Variants in SH3RF2 observed in about 807,000 individuals in gnomAD.
SH3RF2 encodes the protein E3 ubiquitin-protein ligase SH3RF2.
Under a neutral mutation model 59.0 loss-of-function variants are expected in SH3RF2, and 43 were observed. That is an observed-to-expected ratio of 0.73 (90% CI 0.57 to 0.94). SH3RF2 has a LOEUF of 0.94. Ranked by LOEUF, SH3RF2 falls within the 40% of genes least tolerant of loss-of-function variation. The pLI is 0.00. For synonymous variants in SH3RF2, 391 were observed against 391.5 expected, an observed-to-expected ratio of 1.00 and a Z score of 0.01; for missense variants, 930 against 940.1, an observed-to-expected ratio of 0.99 and a Z score of 0.14.
chr5:145,985,600 C>G (rs751688606), intron 2 of SH3RF2, among the ~76,000 whole-genome samples: 10 of 152,218 alleles, frequency 6.6e-5, no homozygotes, highest in Admixed American at 3.9e-4. Flanking sequence ...GAACTGCCTT[C>G]TACCCATGAC....
chr5:146,002,467 GA>G (rs1760457133), intron 3 of SH3RF2, among the ~76,000 whole-genome samples: 1 of 106,578 alleles, frequency 9.4e-6, no homozygotes, highest in Admixed American at 1.1e-4. Context: ...AAAAAAGAAA[GA>G]AAAGGAAGGA....
chr5:145,988,177 G>A (rs545436312), intron 2 of SH3RF2, among the ~76,000 whole-genome samples: 1 of 152,174 alleles, frequency 6.6e-6, no homozygotes, highest in East Asian at 1.9e-4. Flanking sequence ...GATTTTACTG[G>A]AGATTTCATT....
At chr5:145,953,491 C>T (rs1561707098) in intron 2 of SH3RF2, among the ~76,000 whole-genome samples, 1 of 152,134 alleles carries the variant, frequency 6.6e-6, no homozygotes, top group East Asian at 1.9e-4. Context: ...ACAAAGAAAC[C>T]ATGGTAATTG....
intron 5 of SH3RF2, among the ~76,000 whole-genome samples, chr5:146,026,470 G>A (rs1243015186): frequency 2.0e-5 from 3 of 152,184 alleles, no homozygotes; most frequent in East Asian, 3.8e-4. Context: ...AGAGTATTAT[G>A]TGCGTTAATT....
intron 5 of SH3RF2, among the ~76,000 whole-genome samples, chr5:146,025,784 G>C (rs1761509701): frequency 6.6e-6 from 1 of 152,162 alleles, no homozygotes; most frequent in African/African-American, 2.4e-5. Context: ...CAAACAAAAA[G>C]GTTTTGAGTC....
Position 145,938,136 on chromosome 5 carries a change from G to C in SH3RF2, c.208G>C (p.Val70Leu), listed in dbSNP as rs150009220. 1.2e-6 allele frequency: 2 copies of C among 1,614,206 alleles called. No homozygotes were observed. The highest frequency in any genetic ancestry group is 1.7e-6 in the Non-Finnish European group (2 of 1,180,040). Reference sequence around the variant, plus strand: ...GGCGCTGCCGGCCAACCTGCTGCTCGTGCGCCTTCTGGATGGAGTGCGCTC... The same window carrying C: ...GGCGCTGCCGGCCAACCTGCTGCTCCTGCGCCTTCTGGATGGAGTGCGCTC... The part of the protein sequence containing the change: ...IEALPANLLL[V>L]RLLDGVRSGQ... The change falls in exon 2 of 10, where the codon GTG (valine) becomes CTG (leucine). Residue 70 changes from valine (V) to leucine (L), a missense_variant. Val to Leu is a conservative substitution (Grantham distance 32). Coordinates refer to ENST00000359120, the MANE Select transcript of SH3RF2 (RefSeq NM_152550.4).
Position 146,047,770 on chromosome 5 carries a change from A to G in SH3RF2, c.1060-2A>G. On this transcript the variant is annotated splice_acceptor_variant, in intron 5 of 9. Coordinates refer to ENST00000359120, the MANE Select transcript of SH3RF2 (RefSeq NM_152550.4). LOFTEE classifies it high-confidence loss of function. Reference sequence around the variant, plus strand: ...GCTTGGCTGTCTTTTCTGTCTGTGCAGGTCAGCACTTATCACCCCGCACCT... The same window carrying G: ...GCTTGGCTGTCTTTTCTGTCTGTGCGGGTCAGCACTTATCACCCCGCACCT... 6.2e-7 allele frequency: 1 copy of G among 1,613,776 alleles called. No homozygotes were observed.
intron 9 of SH3RF2, chr5:146,078,343 A>C (rs1017207366): frequency 6.6e-6 from 1 of 152,230 alleles, no homozygotes; most frequent in Non-Finnish European, 1.5e-5. Flanking sequence ...AGACCACAGC[A>C]TCTCTTCTGG....
At chr5:146,077,138 A>G (rs1036844150) in intron 9 of SH3RF2, among the ~76,000 whole-genome samples, 1 of 152,222 alleles carries the variant, frequency 6.6e-6, no homozygotes, top group Non-Finnish European at 1.5e-5. Context: ...AGAGCCATGC[A>G]ACAAAGTCAT....
downstream of SH3RF2, among the ~76,000 whole-genome samples, chr5:146,064,713 A>G (rs1196104701): frequency 5.2e-4 from 15 of 28,746 alleles, 2 homozygotes; most frequent in Admixed American, 1.5e-3. Context: ...AAAGAAAGAA[A>G]GAAAGAAAGA....
intron 2 of SH3RF2, among the ~76,000 whole-genome samples, chr5:145,960,073 G>C (rs1207653135): frequency 1.3e-5 from 2 of 152,166 alleles, no homozygotes; most frequent in Non-Finnish European, 2.9e-5. Context: ...TTTTGTTTTA[G>C]AGACAGGGTC....
At chr5:145,937,789 ATTTT>A in intron 1 of SH3RF2, 30 bp from the exon 2 acceptor site, 1 of 962,922 alleles carries the variant, frequency 1.0e-6, no homozygotes, top group Non-Finnish European at 1.5e-6. Context: ...GAGCAGTCAC[ATTTT>A]TTTTTCTCTC....
intron 2 of SH3RF2, among the ~76,000 whole-genome samples, chr5:145,952,150 T>C (rs1758215593): frequency 6.6e-6 from 1 of 152,186 alleles, no homozygotes; most frequent in Non-Finnish European, 1.5e-5. Flanking sequence ...TAAGTATCCA[T>C]CTTATTCCAC....
intron 2 of SH3RF2, among the ~76,000 whole-genome samples, chr5:145,991,415 C>T (rs937696072): frequency 1.3e-5 from 2 of 152,158 alleles, no homozygotes; most frequent in Non-Finnish European, 2.9e-5. Context: ...ATGTTAATTT[C>T]CTTTCCTCTT....
At chr5:146,053,095 G>A (rs1055963291) in intron 7 of SH3RF2, among the ~76,000 whole-genome samples, 4 of 152,118 alleles carry the variant, frequency 2.6e-5, no homozygotes. Context: ...CCCAGAATTT[G>A]GGGATAAACT....
intron 2 of SH3RF2, among the ~76,000 whole-genome samples, chr5:145,966,808 G>T (rs541729154): frequency 1.2e-4 from 19 of 152,318 alleles, no homozygotes; most frequent in African/African-American, 4.3e-4. Context: ...GATCATTTGA[G>T]TCCAGCAGTT....
intron 2 of SH3RF2, among the ~76,000 whole-genome samples, chr5:145,942,594 GT>G (rs1580747851): frequency 6.6e-6 from 1 of 152,300 alleles, no homozygotes; most frequent in East Asian, 1.9e-4. Flanking sequence ...AGACAGTGGG[GT>G]TTTTGCTAAA....
intron 2 of SH3RF2, among the ~76,000 whole-genome samples, chr5:145,941,930 T>C (rs1356492623): frequency 1.3e-5 from 2 of 152,210 alleles, no homozygotes; most frequent in Non-Finnish European, 2.9e-5. Flanking sequence ...CAATACTTTC[T>C]ACTCTAAATT....
intron 9 of SH3RF2, among the ~76,000 whole-genome samples, chr5:146,076,524 C>T (rs1763344933): frequency 6.6e-6 from 1 of 152,184 alleles, no homozygotes; most frequent in Non-Finnish European, 1.5e-5. Context: ...AGCATAACTC[C>T]AAATCCTGTG....
Sources: gnomAD v4.1 joint callset for allele counts (sites outside exome capture counted in the v4.1 genomes callset) on GRCh38, gnomAD v4.1.1 for gene constraint, MANE v1.5 for transcripts, NCBI Gene and HGNC (gene_info 2026-07-23, HGNC 2026-07-21) for gene names.